Variants in WWP1 observed in about 807,000 individuals in gnomAD.
The protein encoded by WWP1 is WW domain containing E3 ubiquitin protein ligase 1, also known as NEDD4-like E3 ubiquitin-protein ligase WWP1.
Under a neutral mutation model 130.6 loss-of-function variants are expected in WWP1, and 49 were observed. The observed-to-expected ratio is 0.38, with a 90% CI of 0.30 to 0.48. The LOEUF (loss-of-function observed/expected upper bound fraction) is 0.48, where lower values mean the gene tolerates loss of function less well. Ranked by LOEUF, WWP1 falls within the 20% of genes least tolerant of loss-of-function variation. The pLI, the probability that WWP1 is intolerant of heterozygous loss-of-function variation, is 0.99. For synonymous variants in WWP1, 332 were observed against 367.8 expected (o/e 0.90, Z 1.11); for missense variants, 809 against 1,100.6 (o/e 0.74, Z 3.75).
chr8:86,439,536 G>T (rs1018064633), intron 17 of WWP1, among the ~76,000 whole-genome samples: 5 of 151,968 alleles, frequency 3.3e-5, no homozygotes, highest in Admixed American at 1.3e-4. Flanking sequence ...ATATTCTGTT[G>T]TATGGAAATA....
chr8:86,420,711 G>C (rs1351721034), intron 9 of WWP1, among the ~76,000 whole-genome samples: 1 of 152,118 alleles, frequency 6.6e-6, no homozygotes, highest in African/African-American at 2.4e-5. Flanking sequence ...GAGACAGTAG[G>C]TACTGTTGTT....
At chr8:86,423,424 C>G (rs1809345995) in intron 9 of WWP1, among the ~76,000 whole-genome samples, 1 of 152,060 alleles carries the variant, frequency 6.6e-6, no homozygotes. Flanking sequence ...GTGGTGATGA[C>G]TCTTAAGGAG....
intron 8 of WWP1, among the ~76,000 whole-genome samples, chr8:86,410,397 A>G (rs1337094774): frequency 6.6e-6 from 1 of 152,126 alleles, no homozygotes; most frequent in East Asian, 1.9e-4. Context: ...GCTAATTTCA[A>G]ACTCATTGAT....
intron 9 of WWP1, among the ~76,000 whole-genome samples, chr8:86,424,638 A>G (rs1294324437): frequency 1.3e-5 from 2 of 151,772 alleles, no homozygotes; most frequent in Non-Finnish European, 2.9e-5. Flanking sequence ...CCCCGTCTCC[A>G]CCAAAAAAAT....
Position 86,342,712 on chromosome 8 carries a change from TG to T in WWP1, c.-328del, listed in dbSNP as rs1353498539. On this transcript the variant is annotated 5_prime_UTR_variant, in exon 1 of 25. Coordinates refer to ENST00000517970, the MANE Select transcript of WWP1 (RefSeq NM_007013.4). ...GGCTGGGGGTGGCGCGTGGACGGGG[TG>T]GGGGTGGGGGGAGGGTCGGGTGTCG... 2.4e-4 allele frequency: 29 copies of T among 118,728 alleles called. 1 individual carries two copies. The highest frequency in any genetic ancestry group is 6.7e-5 in the Non-Finnish European group (5 of 74,494). 7.4% of individuals were successfully genotyped at this position (118,728 alleles called of 1,614,324 possible).
chr8:86,377,115 T>G (rs963440393), intron 3 of WWP1, among the ~76,000 whole-genome samples: 1 of 152,092 alleles, frequency 6.6e-6, no homozygotes, highest in Non-Finnish European at 1.5e-5. Flanking sequence ...AAATGGAGTC[T>G]TGCTCTGTTG....
chr8:86,391,984 G>A (rs1008906847), intron 5 of WWP1, among the ~76,000 whole-genome samples: 2 of 152,194 alleles, frequency 1.3e-5, no homozygotes, highest in Non-Finnish European at 2.9e-5. Context: ...GTAGTCGGGG[G>A]CCTATCATCA....
Position 86,387,645 on chromosome 8 carries a change from T to TG in WWP1, c.334+6020dup, listed in dbSNP as rs1202851589. Among the ~76,000 whole-genome samples the TG allele has an allele frequency of 8.5e-5, 13 of 152,160 alleles. No individual in the cohort carries two copies. The East Asian group carries it at 1.9e-3, about 23-fold the overall frequency. On this transcript the variant is annotated intron_variant, in intron 5 of 24. Coordinates refer to ENST00000517970, the MANE Select transcript of WWP1 (RefSeq NM_007013.4). ...CTCCCACCTCAGCCTCCTGAGTAAC[T>TG]GGGGTTACAGACGTGTGCTACCATG...
intron 20 of WWP1, among the ~76,000 whole-genome samples, chr8:86,450,725 TATG>T (rs1198076100): frequency 6.6e-6 from 1 of 152,232 alleles, no homozygotes; most frequent in East Asian, 1.9e-4. Flanking sequence ...TTGAAAATTA[TATG>T]ATAACACTCT....
chr8:86,401,821 T>C (rs1334201723), intron 7 of WWP1, among the ~76,000 whole-genome samples, 198 bp from the exon 8 acceptor site: 1 of 152,166 alleles, frequency 6.6e-6, no homozygotes, highest in Admixed American at 6.5e-5. Context: ...ACATGTCATA[T>C]CTTTGTTCAT....
At chr8:86,433,156 C>CT (rs1199925975) in intron 14 of WWP1, among the ~76,000 whole-genome samples, 5 of 151,328 alleles carry the variant, frequency 3.3e-5, no homozygotes, top group Admixed American at 3.3e-4. Flanking sequence ...GTGAGCCATA[C>CT]TTTCTTGATT....
At chr8:86,401,478 T>G (rs766498005) in intron 7 of WWP1, among the ~76,000 whole-genome samples, 1 of 151,868 alleles carries the variant, frequency 6.6e-6, no homozygotes, top group African/African-American at 2.4e-5. Flanking sequence ...GAGGATTACT[T>G]GAGCCTAAGA....
chr8:86,371,748 C>T lies in WWP1; in HGVS notation c.-21-2282C>T, dbSNP rs559407282. 1.4e-4 allele frequency among the ~76,000 whole-genome samples: 22 copies of T among 152,196 alleles called. No homozygotes were observed. The South Asian group carries it at 4.3e-3, about 30-fold the overall frequency. Reference sequence around the variant, plus strand: ...CTAATCTTTAATTAGTTTTTTGTTTCGCAAATTTATTCCAGTTTCTGGCAT... The same window carrying T: ...CTAATCTTTAATTAGTTTTTTGTTTTGCAAATTTATTCCAGTTTCTGGCAT... On this transcript the variant is annotated intron_variant, in intron 2 of 24. Coordinates refer to ENST00000517970, the MANE Select transcript of WWP1 (RefSeq NM_007013.4).
chr8:86,342,746 C>G lies in WWP1; in HGVS notation c.-299C>G. 1 of 362,348 alleles carries G rather than the reference C, an allele frequency of 2.8e-6. No individual in the cohort carries two copies. The highest frequency in any genetic ancestry group is 1.3e-4 in the South Asian group (1 of 7,548). 22.4% of individuals were successfully genotyped at this position (362,348 alleles called of 1,614,324 possible). A position where few individuals can be genotyped will look rare whatever the true frequency, so the allele number is the denominator to read the frequency against. On this transcript the variant is annotated 5_prime_UTR_variant, in exon 1 of 25. Coordinates refer to ENST00000517970, the MANE Select transcript of WWP1 (RefSeq NM_007013.4). Reference sequence around the variant, plus strand: ...GGGGAGGGTCGGGTGTCGGCGAGCTCCGCGTGCGGGTTCCGAGTGGCTGCT... The same window carrying G: ...GGGGAGGGTCGGGTGTCGGCGAGCTGCGCGTGCGGGTTCCGAGTGGCTGCT...
At chr8:86,392,158 T>G (rs1474685616) in intron 5 of WWP1, among the ~76,000 whole-genome samples, 2 of 152,192 alleles carry the variant, frequency 1.3e-5, no homozygotes, top group Non-Finnish European at 2.9e-5. Flanking sequence ...GTAGTGGTGC[T>G]GGGATTGTGG....
intron 24 of WWP1, among the ~76,000 whole-genome samples, chr8:86,463,028 C>A (rs1382828725): frequency 6.6e-6 from 1 of 152,066 alleles, no homozygotes; most frequent in East Asian, 1.9e-4. Context: ...CTTGTGCACA[C>A]CAGAGAATGA....
intron 9 of WWP1, among the ~76,000 whole-genome samples, chr8:86,423,997 T>C (rs1427487381): frequency 3.5e-5 from 2 of 57,230 alleles, no homozygotes; most frequent in Non-Finnish European, 6.9e-5. Flanking sequence ...GCCCCCCACC[T>C]CCCTCCCGGA....
chr8:86,402,312 G>A (rs1586364737), intron 8 of WWP1, 109 bp downstream of exon 8: 3 of 1,327,518 alleles, frequency 2.3e-6, no homozygotes, highest in East Asian at 5.3e-5. Context: ...TTGAGACGGA[G>A]TCTCGCTCTG....
chr8:86,390,467 C>T (rs1040620994), intron 5 of WWP1, among the ~76,000 whole-genome samples: 1 of 152,192 alleles, frequency 6.6e-6, no homozygotes, highest in Non-Finnish European at 1.5e-5. Context: ...CCCAGGCTGG[C>T]AGATCACTCG....
Sources: allele counts gnomAD v4.1 joint callset (sites outside exome capture counted in the v4.1 genomes callset), GRCh38; gene constraint gnomAD v4.1.1; transcripts MANE v1.5; gene names NCBI Gene and HGNC (gene_info 2026-07-23, HGNC 2026-07-21).